MUC6: variants seen among roughly 807,000 people sequenced by gnomAD.
MUC6 encodes the protein mucin 6, oligomeric mucus/gel-forming (gene/pseudogene).
A neutral mutation model predicts 201.5 loss-of-function variants in MUC6; 188 were observed. The observed-to-expected ratio is 0.93, with a 90% confidence interval of 0.83 to 1.05. The LOEUF (loss-of-function observed/expected upper bound fraction) is 1.05. Ranked by LOEUF, MUC6 falls within the 50% of genes least tolerant of loss-of-function variation. MUC6 has a pLI of 0.00. For synonymous variants in MUC6, 1,228 were observed against 1,389.4 expected, an observed-to-expected ratio of 0.88 and a Z score of 2.58; for missense variants, 2,706 against 3,256.9, an observed-to-expected ratio of 0.83 and a Z score of 4.12.
chr11:1,023,799 G>T (rs1856882519), intron 25 of MUC6, 147 bp from the exon 26 acceptor site: 3 of 1,436,966 alleles, frequency 2.1e-6, no homozygotes, highest in Admixed American at 4.6e-5. Context: ...GCAGCTGGGG[G>T]CTGCGGGAGG....
chr11:1,032,948 C>A (rs1212292767), intron 2 of MUC6, 65 bp downstream of exon 2: 2 of 1,465,714 alleles, frequency 1.4e-6, no homozygotes, highest in Non-Finnish European at 1.8e-6. Context: ...GCTCCGGGCC[C>A]CTCTCTCCTG....
intron 28 of MUC6, among the ~76,000 whole-genome samples, 184 bp from the exon 29 acceptor site, chr11:1,020,441 G>C (rs542453885): frequency 1.6e-3 from 251 of 152,306 alleles, no homozygotes; most frequent in Non-Finnish European, 3.0e-3. Flanking sequence ...TGCATGGCGG[G>C]GGTCACCTGT....
At chr11:1,023,396 T>G (rs376646768) in intron 26 of MUC6, 113 bp downstream of exon 26, 1 of 1,314,688 alleles carries the variant, frequency 7.6e-7, no homozygotes, top group African/African-American at 1.7e-5. Flanking sequence ...ATGTGTGAAT[T>G]AATGAGCATG....
chr11:1,026,890 T>C, intron 19 of MUC6, 51 bp downstream of exon 19: 2 of 1,467,320 alleles, frequency 1.4e-6, no homozygotes, highest in East Asian at 4.9e-5. Context: ...AACCCCCTCA[T>C]GGTTCAGCTG....
chr11:1,023,819 G>A, intron 25 of MUC6, 128 bp downstream of exon 25: 1 of 1,443,118 alleles, frequency 6.9e-7, no homozygotes, highest in South Asian at 1.4e-5. Context: ...GGCCAGGGTG[G>A]CCCCGCAGGG....
intron 27 of MUC6, 40 bp from the exon 28 acceptor site, chr11:1,020,774 C>A: frequency 6.2e-7 from 1 of 1,605,200 alleles, no homozygotes; most frequent in Non-Finnish European, 8.5e-7. Flanking sequence ...GTTCTCTAAG[C>A]CTCCCCACCC....
rs543442791 is a variant in MUC6 at position 1,022,383 on chromosome 11, T to C, written c.3527-1106A>G. 1.1e-4 allele frequency among the ~76,000 whole-genome samples: 17 copies of C among 152,286 alleles called. No homozygotes were observed. The South Asian group carries it at 3.1e-3, about 28-fold the overall frequency. On this transcript the variant is annotated intron_variant, in intron 26 of 32. Coordinates refer to ENST00000421673, the MANE Select transcript of MUC6 (RefSeq NM_005961.3). ...TCTGCAGCCCGCGCCCCTCACTCGCTGGCTCTGCCCGCTGCCCTGGCTTTC... is the reference window on the plus strand; with the variant it reads ...TCTGCAGCCCGCGCCCCTCACTCGCCGGCTCTGCCCGCTGCCCTGGCTTTC...
At chr11:1,019,695 C>T (rs1271419980) in intron 29 of MUC6, among the ~76,000 whole-genome samples, 199 bp from the exon 30 acceptor site, 1 of 152,188 alleles carries the variant, frequency 6.6e-6, no homozygotes, top group Admixed American at 6.5e-5. Context: ...GGGGCAGTGA[C>T]CACATGCTTA....
chr11:1,026,211 G>A, intron 20 of MUC6, 70 bp from the exon 21 acceptor site: 1 of 1,534,544 alleles, frequency 6.5e-7, no homozygotes, highest in Non-Finnish European at 8.8e-7. Flanking sequence ...TCCCTGGAGA[G>A]GCCAGACTGC....
In MUC6 at chr11:1,030,609, G is replaced by A; in HGVS notation, c.856C>T (p.Gln286Ter). ...GGGCTCCGCCAGCGGCGGACCGGCTGGCCCACCATGCTGCACTGGCGGGAG... is the reference window on the plus strand; with the variant it reads ...GGGCTCCGCCAGCGGCGGACCGGCTAGCCCACCATGCTGCACTGGCGGGAG... ...EYSRQCSMVGQPVRRWRSPGL... is the reference protein window; with the variant it reads ...EYSRQCSMVG Residue 286 changes from glutamine (Q) to a stop codon, truncating the protein, a stop_gained, in exon 7 of 33, where the codon CAG (glutamine) becomes TAG (stop). Transcript: ENST00000421673. LOFTEE classifies it high-confidence loss of function. The A allele has an allele frequency of 6.5e-7, 1 of 1,533,600 alleles. No individual in the cohort carries two copies. The highest frequency in any genetic ancestry group is 8.8e-7 in the Non-Finnish European group (1 of 1,139,832). 95.0% of individuals were successfully genotyped at this position (1,533,600 alleles called of 1,614,324 possible).
intron 11 of MUC6, 40 bp downstream of exon 11, chr11:1,029,006 G>A (rs779544635): frequency 3.3e-5 from 54 of 1,612,326 alleles, no homozygotes; most frequent in Admixed American, 1.3e-4. Context: ...ACCAGGGAGC[G>A]GAGCCCTGCT....
chr11:1,022,258 C>T (rs1648398803), intron 26 of MUC6, among the ~76,000 whole-genome samples: 1 of 148,810 alleles, frequency 6.7e-6, no homozygotes, highest in African/African-American at 2.5e-5. Flanking sequence ...CTCTGCAGCC[C>T]CGCGCCCCAC....
In MUC6 at chr11:1,013,261, A is replaced by C; in HGVS notation, c.*195T>G. The C allele has an allele frequency of 1.7e-6, 1 of 595,530 alleles. No individual in the cohort carries two copies. Among genetic ancestry groups the C allele is most frequent in the Non-Finnish European group, 2.9e-6 (1 of 340,040 alleles). The allele number at this position is 595,530 out of a possible 1,614,324, so 36.9% of individuals were successfully genotyped here. On this transcript the variant is annotated 3_prime_UTR_variant, in exon 33 of 33. Transcript: ENST00000421673. The stretch of plus-strand genomic sequence containing the variant: ...TCTCTGCTGGCTCAGGGTCTGCAGG[A>C]GTGTGGTAGTCTGAGCCCCTGCTTG...
At position 1,027,976 on chromosome 11, in the gene MUC6, G is replaced by A. The variant is rs1364689546; in HGVS notation, c.1837C>T (p.Pro613Ser). The A allele has an allele frequency of 1.3e-6, 2 of 1,577,320 alleles. No individual in the cohort carries two copies. The highest frequency in any genetic ancestry group is 1.4e-5 in the African/African-American group (1 of 73,956). ...CCTCGGGCCCTCACCTTGTAGAAGG[G>A]TGCAGGGTTCACTGTGGCGTGGCAC... is the stretch of plus-strand genomic sequence containing the variant. ...ERCHATVNPAPFYKRCVYQAC... is the reference protein window; with the variant it reads ...ERCHATVNPASFYKRCVYQAC... The change falls in exon 15 of 33, where the codon CCC becomes TCC. Residue 613 changes from proline (P) to serine (S), a missense_variant. By Grantham distance (74) the Pro-to-Ser change is moderately conservative. Coordinates refer to ENST00000421673, the MANE Select transcript of MUC6 (RefSeq NM_005961.3).
At position 1,027,738 on chromosome 11, in the gene MUC6, C is replaced by T. The variant is rs552073714; in HGVS notation, c.1928G>A (p.Cys643Tyr). 4 of 1,608,894 alleles carry T rather than the reference C, an allele frequency of 2.5e-6. No homozygotes were observed. Among genetic ancestry groups the T allele is most frequent in the Admixed American group, 1.7e-5 (1 of 59,456 alleles). Residue 643 changes from cysteine (C) to tyrosine (Y), a missense_variant, in exon 16 of 33, where the codon TGC becomes TAC. Physicochemically the swap from Cys to Tyr is radical, Grantham distance 194. Around this residue, in one of 10 missense-constraint regions of MUC6, gnomAD observed 1,850 missense variants for 1,958.3 expected, o/e 0.94. Coordinates refer to ENST00000421673, the MANE Select transcript of MUC6 (RefSeq NM_005961.3). ...CCAGAGCAGGACGCCCCGCAAGGAGCAGGCGTGTACGTAGTCGCCCAGGGC... is the reference window on the plus strand; with the variant it reads ...CCAGAGCAGGACGCCCCGCAAGGAGTAGGCGTGTACGTAGTCGCCCAGGGC... Reference protein sequence around the residue: ...CAALGDYVHACSLRGVLLWGW... With the variant: ...CAALGDYVHAYSLRGVLLWGW...
At position 1,027,448 on chromosome 11, in the gene MUC6, A is replaced by G; in HGVS notation, c.2051T>C (p.Leu684Pro). ...GTGGCACTCGGTGGCACGGTCCGACAGCGACAGGCAGGTGCGCTCACAGGC... is the reference window on the plus strand; with the variant it reads ...GTGGCACTCGGTGGCACGGTCCGACGGCGACAGGCAGGTGCGCTCACAGGC... ...SQACERTCLS[L>P]SDRATECHHS... Residue 684 changes from leucine (L) to proline (P), a missense_variant, in exon 17 of 33, where the codon CTG (leucine) becomes CCG (proline). Around this residue, in one of 10 missense-constraint regions of MUC6, gnomAD observed 1,850 missense variants for 1,958.3 expected, o/e 0.94. Coordinates refer to ENST00000421673, the MANE Select transcript of MUC6 (RefSeq NM_005961.3). The G allele has an allele frequency of 1.2e-6, 2 of 1,612,756 alleles. No individual in the cohort carries two copies. Among genetic ancestry groups the G allele is most frequent in the East Asian group, 4.5e-5 (2 of 44,880 alleles).
In MUC6 at chr11:1,019,378, C is replaced by T. The variant is rs774087853; in HGVS notation, c.3927G>A (p.Thr1309=). The change falls in exon 30 of 33, where the codon ACG becomes ACA. Residue 1309 remains threonine (T), a synonymous_variant. Coordinates refer to ENST00000421673, the MANE Select transcript of MUC6 (RefSeq NM_005961.3). ...PTVTQATTRA[T]ASTASPATTS... is the part of the protein sequence containing the mutation. ...TCGTGGCTGGGCTGGCGGTCGACGCCGTGGCCCTGGTTGTGGCCTGGGTCA... is the reference window on the plus strand; with the variant it reads ...TCGTGGCTGGGCTGGCGGTCGACGCTGTGGCCCTGGTTGTGGCCTGGGTCA... 3.3e-5 allele frequency: 53 copies of T among 1,613,642 alleles called. No individual in the cohort carries two copies. Among genetic ancestry groups the T allele is most frequent in the Middle Eastern group, 1.6e-4 (1 of 6,062 alleles).
chr11:1,027,623 C>T, intron 16 of MUC6, 62 bp downstream of exon 16: 1 of 1,579,438 alleles, frequency 6.3e-7, no homozygotes. Flanking sequence ...CTTGGGGTCC[C>T]AGGACACCCC....
intron 28 of MUC6, 104 bp downstream of exon 28, chr11:1,020,580 G>A: frequency 1.3e-6 from 2 of 1,493,580 alleles, no homozygotes; most frequent in Non-Finnish European, 1.9e-6. Context: ...CACAGGTACT[G>A]CCTGCCCCCT....
Sources: gnomAD v4.1 joint callset for allele counts (sites outside exome capture counted in the v4.1 genomes callset) on GRCh38, gnomAD v4.1.1 for gene constraint, gnomAD v4.1.1 regional missense constraint, MANE v1.5 for transcripts, NCBI Gene and HGNC (gene_info 2026-07-23, HGNC 2026-07-21) for gene names.